Variants in PLD1 observed in about 807,000 individuals in gnomAD.
The protein encoded by PLD1 is phospholipase D1.
A neutral mutation model predicts 137.1 loss-of-function variants in PLD1; 112 were observed. That is an observed-to-expected ratio of 0.82 (90% CI 0.70 to 0.96). The LOEUF (loss-of-function observed/expected upper bound fraction) is 0.96, where lower values mean the gene tolerates loss of function less well. Ranked by LOEUF, PLD1 falls within the 40% of genes least tolerant of loss-of-function variation. The probability of loss-of-function intolerance (pLI) is 0.00; values close to 1 mark genes in which losing one functional copy is unlikely to be tolerated. For missense variants in PLD1, 1,321 were observed against 1,342.0 expected, an observed-to-expected ratio of 0.98 and a Z score of 0.24; for synonymous variants, 431 against 454.7, an observed-to-expected ratio of 0.95 and a Z score of 0.66.
rs1301232205 is a variant in PLD1 at position 171,713,747 on chromosome 3, A to G, written c.911+146T>C. On this transcript the variant is annotated intron_variant, in intron 9 of 26. Coordinates refer to ENST00000351298, the MANE Select transcript of PLD1 (RefSeq NM_002662.5). ...CTCTTTAAAATATATACAAGGAAAA[A>G]AGTGGTTTCATTACTATTGATTGAG... 3.4e-5 allele frequency: 22 copies of G among 650,822 alleles called. No individual in the cohort carries two copies. In the South Asian group the frequency reaches 3.9e-4, roughly 11 times the overall value. The allele number at this position is 650,822 out of a possible 1,614,324, so 40.3% of individuals were successfully genotyped here.
chr3:171,781,560 G>A (rs1415529948), intron 1 of PLD1, among the ~76,000 whole-genome samples: 1 of 152,110 alleles, frequency 6.6e-6, no homozygotes, highest in Non-Finnish European at 1.5e-5. Flanking sequence ...CCTACAATTC[G>A]ATAAAAGTGA....
At chr3:171,614,610 T>C (rs970434547) in intron 24 of PLD1, among the ~76,000 whole-genome samples, 1 of 152,232 alleles carries the variant, frequency 6.6e-6, no homozygotes, top group African/African-American at 2.4e-5. Context: ...ATGTAGCATT[T>C]GTTTAAAGAA....
chr3:171,789,259 A>G (rs1723129218), intron 1 of PLD1: 1 of 152,278 alleles, frequency 6.6e-6, no homozygotes, highest in African/African-American at 2.4e-5. Context: ...AAAGCCCTGC[A>G]GAGGGCGTGG....
intron 21 of PLD1, among the ~76,000 whole-genome samples, chr3:171,652,082 A>G (rs1327991763): frequency 6.6e-6 from 1 of 152,212 alleles, no homozygotes; most frequent in Non-Finnish European, 1.5e-5. Flanking sequence ...GTTATCCCAC[A>G]AGAAAAAATG....
intron 1 of PLD1, among the ~76,000 whole-genome samples, chr3:171,759,625 G>C (rs746910021): frequency 9.9e-5 from 15 of 152,206 alleles, no homozygotes; most frequent in Non-Finnish European, 2.2e-4. Flanking sequence ...TAATAGAAAA[G>C]CTAGAGAATT....
chr3:171,753,870 T>C (rs1450937660), intron 1 of PLD1, among the ~76,000 whole-genome samples: 1 of 152,224 alleles, frequency 6.6e-6, no homozygotes, highest in Non-Finnish European at 1.5e-5. Context: ...GTTTTTGTAT[T>C]ACGTTTCCCT....
intron 1 of PLD1, among the ~76,000 whole-genome samples, chr3:171,761,997 T>C (rs916456593): frequency 1.3e-5 from 2 of 152,248 alleles, no homozygotes; most frequent in East Asian, 1.9e-4. Flanking sequence ...TATCTTCTTA[T>C]CAGCATTCAT....
intron 1 of PLD1, chr3:171,809,039 G>T (rs1724000196): frequency 6.6e-6 from 1 of 151,690 alleles, no homozygotes; most frequent in Admixed American, 6.6e-5. Flanking sequence ...TGGCCAGGCT[G>T]GTCTCAAACT....
intron 1 of PLD1, among the ~76,000 whole-genome samples, chr3:171,782,885 G>A (rs1370955683): frequency 1.3e-5 from 2 of 152,164 alleles, no homozygotes. Flanking sequence ...AAGCTAGTGG[G>A]CAGAAACTAT....
chr3:171,626,703 T>C (rs1387601964), intron 23 of PLD1, among the ~76,000 whole-genome samples: 3 of 151,748 alleles, frequency 2.0e-5, no homozygotes, highest in Non-Finnish European at 2.9e-5. Flanking sequence ...ATATTCAACA[T>C]TCTTAAAGAA....
At chr3:171,744,838 G>A (rs1355249103) in intron 1 of PLD1, among the ~76,000 whole-genome samples, 1 of 152,096 alleles carries the variant, frequency 6.6e-6, no homozygotes, top group Non-Finnish European at 1.5e-5. Flanking sequence ...AATAACCCAA[G>A]AAAACCAAGG....
intron 1 of PLD1, among the ~76,000 whole-genome samples, chr3:171,750,771 TA>T (rs1720597269): frequency 6.6e-6 from 1 of 152,180 alleles, no homozygotes; most frequent in Non-Finnish European, 1.5e-5. Context: ...GTTGAATTAG[TA>T]AACAAAGGTT....
intron 19 of PLD1, among the ~76,000 whole-genome samples, chr3:171,671,385 C>T (rs1183772776): frequency 6.6e-6 from 1 of 152,202 alleles, no homozygotes; most frequent in Non-Finnish European, 1.5e-5. Context: ...TGACACTAAA[C>T]TATCTTTAAC....
At chr3:171,717,441 C>T (rs140267572) in intron 8 of PLD1, among the ~76,000 whole-genome samples, 172 of 152,138 alleles carry the variant, frequency 1.1e-3, no homozygotes, top group African/African-American at 4.1e-3. Flanking sequence ...CAGCTGAATT[C>T]CTAGGTATTT....
At chr3:171,746,834 A>C (rs1424469640) in intron 1 of PLD1, among the ~76,000 whole-genome samples, 3 of 152,228 alleles carry the variant, frequency 2.0e-5, no homozygotes, top group Non-Finnish European at 4.4e-5. Flanking sequence ...CAATAAAAGC[A>C]GGCTGCCCAA....
chr3:171,704,193 C>T (rs536426564), intron 11 of PLD1, among the ~76,000 whole-genome samples: 7 of 152,134 alleles, frequency 4.6e-5, no homozygotes, highest in Non-Finnish European at 1.0e-4. Context: ...AGACCACCAC[C>T]GAAGTCCCAG....
At chr3:171,723,421 C>G (rs1718282081) in intron 8 of PLD1, among the ~76,000 whole-genome samples, 1 of 152,166 alleles carries the variant, frequency 6.6e-6, no homozygotes, top group Non-Finnish European at 1.5e-5. Flanking sequence ...GTGAATAGTG[C>G]TTCAACACAG....
At chr3:171,673,294 T>A (rs1712979678) in intron 19 of PLD1, among the ~76,000 whole-genome samples, 1 of 152,158 alleles carries the variant, frequency 6.6e-6, no homozygotes. Context: ...TTATCTTTTT[T>A]TTTTTGAGAT....
intron 23 of PLD1, among the ~76,000 whole-genome samples, chr3:171,626,452 C>A (rs1734116202): frequency 6.6e-6 from 1 of 152,144 alleles, no homozygotes; most frequent in African/African-American, 2.4e-5. Flanking sequence ...AGGAGAACTT[C>A]CCCAATCTAG....
Sources: gnomAD v4.1 joint callset for allele counts (sites outside exome capture counted in the v4.1 genomes callset) on GRCh38, gnomAD v4.1.1 for gene constraint, MANE v1.5 for transcripts, NCBI Gene and HGNC (gene_info 2026-07-23, HGNC 2026-07-21) for gene names.